Variants in PDE8B observed in about 807,000 individuals in gnomAD.
The protein encoded by PDE8B is high affinity cAMP-specific and IBMX-insensitive 3',5'-cyclic phosphodiesterase 8B.
PDE8B carries 26 observed loss-of-function variants against 101.3 expected under a neutral mutation model. The observed-to-expected ratio is 0.26, with a 90% CI of 0.19 to 0.36. The LOEUF (loss-of-function observed/expected upper bound fraction) is 0.36. Ranked by LOEUF, PDE8B falls within the 10% of genes least tolerant of loss-of-function variation. The probability of loss-of-function intolerance (pLI) is 1.00; values close to 1 mark genes in which losing one functional copy is unlikely to be tolerated. For synonymous variants in PDE8B, 424 were observed against 429.3 expected (o/e 0.99, Z 0.15); for missense variants, 810 against 1,163.1 (o/e 0.70, Z 4.42).
Position 77,408,948 on chromosome 5 carries a change from C to A in PDE8B, c.1421C>A (p.Ala474Asp). The A allele has an allele frequency of 1.2e-6, 2 of 1,613,166 alleles. No individual in the cohort carries two copies. Among genetic ancestry groups the A allele is most frequent in the Non-Finnish European group, 1.7e-6 (2 of 1,179,142 alleles). The change falls in exon 14 of 22, where the codon GCC (alanine) becomes GAC (aspartate). Residue 474 changes from alanine to aspartate, a missense_variant. Physicochemically the swap from Ala to Asp is moderately radical, Grantham distance 126. Around this residue, in one of 4 missense-constraint regions of PDE8B, gnomAD observed 325 missense variants for 560.9 expected, o/e 0.58. Transcript: ENST00000264917. ...AACAGCCCAGTCACAGTAGCGGAAG[C>A]CTTGGACAGAGTTCTAGAGATTTTA... ...QENSPVTVAE[A>D]LDRVLEILRT...
At chr5:77,140,812 A>T in the PDE8B span, 2 of 152,160 alleles carry the variant, frequency 1.3e-5, no homozygotes, top group South Asian at 4.1e-4. Context: ...TCCTAGGCTA[A>T]GTTATTGCTG....
At chr5:77,094,698 A>G in the PDE8B span, among the ~76,000 whole-genome samples, 2 of 152,204 alleles carry the variant, frequency 1.3e-5, no homozygotes, top group Non-Finnish European at 2.9e-5. Flanking sequence ...TACAAGTAGC[A>G]TGGTGTCAGC....
intron 2 of PDE8B, among the ~76,000 whole-genome samples, chr5:77,319,084 T>C (rs61290141): frequency 3.7e-4 from 57 of 152,378 alleles, no homozygotes; most frequent in African/African-American, 1.3e-3. Flanking sequence ...TCAGCTTTCT[T>C]TGAGGTCTTT....
At chr5:77,340,855 A>T (rs1309388494) in intron 6 of PDE8B, among the ~76,000 whole-genome samples, 2 of 152,094 alleles carry the variant, frequency 1.3e-5, no homozygotes, top group Non-Finnish European at 2.9e-5. Context: ...TATAGACTTT[A>T]TACCTGGACC....
chr5:77,109,940 T>G, the PDE8B span, among the ~76,000 whole-genome samples: 426 of 116,612 alleles, frequency 3.7e-3, 10 homozygotes, highest in African/African-American at 0.015. Context: ...TTTTTTTTTT[T>G]TTTTTTTTTT....
At chr5:77,093,495 T>G in the PDE8B span, among the ~76,000 whole-genome samples, 1 of 152,242 alleles carries the variant, frequency 6.6e-6, no homozygotes. Context: ...TCTGCTCTTC[T>G]GCACAGCTGA....
At chr5:77,216,920 G>A (rs1163787150) in intron 1 of PDE8B, among the ~76,000 whole-genome samples, 1 of 152,154 alleles carries the variant, frequency 6.6e-6, no homozygotes, top group Non-Finnish European at 1.5e-5. Context: ...CTTCGTAACA[G>A]GCAATAAGAG....
intron 6 of PDE8B, among the ~76,000 whole-genome samples, chr5:77,343,657 T>G (rs2150382718): frequency 6.6e-6 from 1 of 152,296 alleles, no homozygotes; most frequent in Non-Finnish European, 1.5e-5. Context: ...AGCTTTGTAC[T>G]CTTAGGCTAC....
At chr5:77,258,855 C>G (rs1464691168) in intron 1 of PDE8B, among the ~76,000 whole-genome samples, 2 of 151,906 alleles carry the variant, frequency 1.3e-5, no homozygotes, top group Admixed American at 1.3e-4. Context: ...TGTCTCAGCT[C>G]CCTGGCTTTT....
the PDE8B span, among the ~76,000 whole-genome samples, chr5:77,150,693 C>A: frequency 6.6e-6 from 1 of 152,184 alleles, no homozygotes; most frequent in Non-Finnish European, 1.5e-5. Context: ...GCAAAGTAAT[C>A]AGATATAAGA....
chr5:77,263,728 A>T (rs1027170688), intron 1 of PDE8B, among the ~76,000 whole-genome samples: 4 of 152,162 alleles, frequency 2.6e-5, no homozygotes, highest in African/African-American at 9.7e-5. Context: ...CTATACAGCT[A>T]ATTTCCTAAT....
intron 2 of PDE8B, among the ~76,000 whole-genome samples, chr5:77,318,082 A>G (rs1774230139): frequency 1.3e-5 from 2 of 149,410 alleles, no homozygotes; most frequent in Non-Finnish European, 3.0e-5. Flanking sequence ...AAAAAACACA[A>G]CAACAACAAC....
the PDE8B span, among the ~76,000 whole-genome samples, chr5:77,160,678 G>C: frequency 2.6e-5 from 4 of 152,254 alleles, no homozygotes; most frequent in East Asian, 7.7e-4. Flanking sequence ...TTGAGACAGT[G>C]TCTTGCTCTG....
the PDE8B span, among the ~76,000 whole-genome samples, chr5:77,138,499 T>G: frequency 6.6e-6 from 1 of 152,232 alleles, no homozygotes. Context: ...TAAGCAGGCT[T>G]CTTTCATTCT....
At chr5:77,170,227 T>G in the PDE8B span, among the ~76,000 whole-genome samples, 1 of 152,178 alleles carries the variant, frequency 6.6e-6, no homozygotes, top group African/African-American at 2.4e-5. Context: ...GGAGCCAGAG[T>G]GCACAATTGG....
In PDE8B at chr5:77,386,865, CTTTTTTTTTTTTTTTT is replaced by C. The variant is rs59393259; in HGVS notation, c.1168-13369_1168-13354del. 1.2e-4 allele frequency among the ~76,000 whole-genome samples: 6 copies of C among 51,060 alleles called. 1 individual carries two copies. The highest frequency in any genetic ancestry group is 8.6e-4 in the Admixed American group (3 of 3,470). The allele number at this position is 51,060 out of a possible 152,430, so 33.5% of individuals were successfully genotyped here. A position where few individuals can be genotyped will look rare whatever the true frequency, so the allele number is the denominator to read the frequency against. On this transcript the variant is annotated intron_variant, in intron 10 of 21. Coordinates refer to ENST00000264917, the MANE Select transcript of PDE8B (RefSeq NM_003719.5). ...TTTTGCCTGTTAGTTGATGTAGTTTCTTTTTTTTTTTTTTTTTTTTTTTTTTTTTGAGACGGAGTCT... is the reference window on the plus strand; with the variant it reads ...TTTTGCCTGTTAGTTGATGTAGTTTCTTTTTTTTTTTTTGAGACGGAGTCT...
At chr5:77,386,815 C>T (rs1308003567) in intron 10 of PDE8B, among the ~76,000 whole-genome samples, 3 of 147,892 alleles carry the variant, frequency 2.0e-5, no homozygotes, top group South Asian at 4.2e-4. Flanking sequence ...GAATTTGATC[C>T]TGTCATTATG....
At chr5:77,305,422 G>C (rs1032704416) in intron 1 of PDE8B, among the ~76,000 whole-genome samples, 2 of 152,160 alleles carry the variant, frequency 1.3e-5, no homozygotes, top group African/African-American at 4.8e-5. Context: ...GGTAAGGCTG[G>C]AGGCTGGAGT....
chr5:77,147,651 G>A, the PDE8B span: 3 of 152,114 alleles, frequency 2.0e-5, no homozygotes, highest in Non-Finnish European at 4.4e-5. Flanking sequence ...CATCTTTCCA[G>A]GAGATTCTCT....
Sources: gnomAD v4.1 joint callset for allele counts (sites outside exome capture counted in the v4.1 genomes callset) on GRCh38, gnomAD v4.1.1 for gene constraint, gnomAD v4.1.1 regional missense constraint, MANE v1.5 for transcripts, NCBI Gene and HGNC (gene_info 2026-07-23, HGNC 2026-07-21) for gene names.